Variants in ROBO1 observed in about 807,000 individuals in gnomAD.
ROBO1 encodes roundabout homolog 1.
Under a neutral mutation model 195.9 loss-of-function variants are expected in ROBO1, and 149 were observed. The observed-to-expected ratio is 0.76, with a 90% CI of 0.67 to 0.87. The LOEUF is 0.87. ROBO1 is among the 40% of genes least tolerant of loss of function. ROBO1 has a pLI of 0.00. For synonymous variants in ROBO1, 816 were observed against 733.2 expected, an observed-to-expected ratio of 1.11 and a Z score of -1.82; for missense variants, 1,933 against 2,068.3, an observed-to-expected ratio of 0.93 and a Z score of 1.27.
chr3:79,417,112 A>G (rs1008900443), intron 2 of ROBO1, among the ~76,000 whole-genome samples: 4 of 152,178 alleles, frequency 2.6e-5, no homozygotes, highest in African/African-American at 9.6e-5. Flanking sequence ...CAAGAAGTGG[A>G]TCTTAATTTC....
At chr3:78,739,677 T>TA (rs2082476700) in intron 5 of ROBO1, among the ~76,000 whole-genome samples, 2 of 152,296 alleles carry the variant, frequency 1.3e-5, no homozygotes, top group East Asian at 3.9e-4. Flanking sequence ...TGTCATCTTT[T>TA]AAAAAACTAC....
chr3:78,857,460 C>G (rs182856590), intron 4 of ROBO1, among the ~76,000 whole-genome samples: 4 of 152,290 alleles, frequency 2.6e-5, no homozygotes, highest in Non-Finnish European at 1.5e-5. Context: ...GAAGTGTCCC[C>G]TATTCTCAAT....
At chr3:79,140,635 T>C (rs2080505909) in intron 2 of ROBO1, among the ~76,000 whole-genome samples, 1 of 152,206 alleles carries the variant, frequency 6.6e-6, no homozygotes. Context: ...ATCATCTATA[T>C]TTTTTAACAA....
chr3:78,747,739 C>T (rs148784725), intron 4 of ROBO1, among the ~76,000 whole-genome samples: 22 of 152,200 alleles, frequency 1.4e-4, no homozygotes, highest in African/African-American at 5.3e-4. Context: ...TATTAACATA[C>T]TGTAAAACAA....
intron 2 of ROBO1, among the ~76,000 whole-genome samples, chr3:79,551,507 C>T (rs1287815539): frequency 6.6e-6 from 1 of 151,962 alleles, no homozygotes; most frequent in Admixed American, 6.6e-5. Flanking sequence ...AATGTCCTTA[C>T]TCAGCACTTT....
intron 1 of ROBO1, among the ~76,000 whole-genome samples, chr3:79,717,879 A>G (rs925776316): frequency 6.6e-6 from 1 of 152,002 alleles, no homozygotes; most frequent in Non-Finnish European, 1.5e-5. Flanking sequence ...TCTGTGGATT[A>G]AGTGGGAAAG....
At chr3:78,885,411 C>CAAAAAAAAAAA (rs2036489391) in intron 4 of ROBO1, among the ~76,000 whole-genome samples, 1 of 3,894 alleles carries the variant, frequency 2.6e-4, no homozygotes, top group Non-Finnish European at 4.9e-4. Flanking sequence ...GAATTTAAAA[C>CAAAAAAAAAAA]TAAAAAAAAA....
At chr3:78,954,323 A>G (rs954094912) in intron 3 of ROBO1, among the ~76,000 whole-genome samples, 2 of 152,006 alleles carry the variant, frequency 1.3e-5, no homozygotes, top group Non-Finnish European at 2.9e-5. Flanking sequence ...AAGACACACT[A>G]GTGCTTTTAA....
At chr3:79,389,172 T>C (rs1394385676) in intron 2 of ROBO1, among the ~76,000 whole-genome samples, 2 of 151,926 alleles carry the variant, frequency 1.3e-5, no homozygotes, top group Non-Finnish European at 2.9e-5. Context: ...CTCAATAAAA[T>C]AGAATAAAAA....
chr3:78,884,351 T>A (rs963559212), intron 4 of ROBO1, among the ~76,000 whole-genome samples: 1 of 151,890 alleles, frequency 6.6e-6, no homozygotes, highest in Admixed American at 6.6e-5. Flanking sequence ...GTGGCTCACG[T>A]CTGTAATCCC....
At chr3:79,047,452 G>C (rs2078615592) in intron 3 of ROBO1, among the ~76,000 whole-genome samples, 1 of 152,088 alleles carries the variant, frequency 6.6e-6, no homozygotes, top group South Asian at 2.1e-4. Context: ...AATGGCTTTG[G>C]AGTGCTGATC....
intron 1 of ROBO1, among the ~76,000 whole-genome samples, chr3:79,636,980 G>T (rs1276117169): frequency 6.6e-6 from 1 of 152,156 alleles, no homozygotes; most frequent in Non-Finnish European, 1.5e-5. Context: ...AAGAGAGCTG[G>T]CTTTATTAAA....
chr3:79,520,726 G>C (rs1399056606), intron 2 of ROBO1, among the ~76,000 whole-genome samples: 1 of 152,062 alleles, frequency 6.6e-6, no homozygotes, highest in African/African-American at 2.4e-5. Context: ...AACTACCTGA[G>C]GGAAAAGAAT....
intron 3 of ROBO1, among the ~76,000 whole-genome samples, chr3:78,946,305 C>T (rs142832523): frequency 6.6e-6 from 1 of 152,152 alleles, no homozygotes; most frequent in Non-Finnish European, 1.5e-5. Context: ...GGAAGCCCAC[C>T]AGACTAACAG....
chr3:79,048,722 T>C (rs546903450), intron 3 of ROBO1, among the ~76,000 whole-genome samples: 1 of 152,064 alleles, frequency 6.6e-6, no homozygotes, highest in South Asian at 2.1e-4. Context: ...ACTAAGAAAA[T>C]AGCAGCCTCC....
At chr3:78,748,745 C>A (rs147585679) in intron 4 of ROBO1, among the ~76,000 whole-genome samples, 9 of 152,166 alleles carry the variant, frequency 5.9e-5, no homozygotes, top group African/African-American at 2.2e-4. Context: ...AAAAAAATCC[C>A]CATTTTCTAA....
Position 78,711,380 on chromosome 3 carries a change from TTCCTTCCTTC to T in ROBO1, c.1045+3007_1045+3016del, listed in dbSNP as rs1559773298. ...CTTCCTTCCTTCCTTCCTTCCTTCCTTCCTTCCTTCCTTCCTTCCTTTCTTTCTTTCTTTC... is the reference window on the plus strand; with the variant it reads ...CTTCCTTCCTTCCTTCCTTCCTTCCTCTTCCTTCCTTTCTTTCTTTCTTTC... On this transcript the variant is annotated intron_variant, in intron 8 of 30. Transcript: ENST00000464233. 8.7e-3 allele frequency among the ~76,000 whole-genome samples: 293 copies of T among 33,822 alleles called. 1 individual carries two copies. Among genetic ancestry groups the T allele is most frequent in the Non-Finnish European group, 0.011 (180 of 15,840 alleles). 22.2% of individuals were successfully genotyped at this position (33,822 alleles called of 152,430 possible).
At chr3:78,903,028 A>T (rs1406719966) in intron 4 of ROBO1, among the ~76,000 whole-genome samples, 1 of 152,180 alleles carries the variant, frequency 6.6e-6, no homozygotes, top group Admixed American at 6.5e-5. Context: ...TTGTTTATAA[A>T]TACAGAGTTT....
chr3:79,687,252 A>G (rs1360726179), intron 1 of ROBO1, among the ~76,000 whole-genome samples: 1 of 141,928 alleles, frequency 7.0e-6, no homozygotes, highest in Non-Finnish European at 1.5e-5. Flanking sequence ...TAGACCTAAA[A>G]CCATAAAAAC....
Sources: gnomAD v4.1 joint callset for allele counts (sites outside exome capture counted in the v4.1 genomes callset) on GRCh38, gnomAD v4.1.1 for gene constraint, MANE v1.5 for transcripts, NCBI Gene and HGNC (gene_info 2026-07-23, HGNC 2026-07-21) for gene names.